Variants in ZNF503 observed in about 807,000 individuals in gnomAD.
The protein encoded by ZNF503 is NocA-like zinc finger 2.
ZNF503 carries 15 observed loss-of-function variants against 34.4 expected under a neutral mutation model. The observed-to-expected ratio is 0.44, with a 90% CI of 0.29 to 0.67. ZNF503 has a LOEUF of 0.67. Among genes scored for constraint, ZNF503 ranks in the 30% least tolerant of loss-of-function variants. ZNF503 has a pLI of 0.13. For missense variants in ZNF503, 1,007 were observed against 926.8 expected, an observed-to-expected ratio of 1.09 and a Z score of -1.12; for synonymous variants, 580 against 456.8, an observed-to-expected ratio of 1.27 and a Z score of -3.44.
rs1219289011 is a variant in ZNF503 at position 75,401,194 on chromosome 10, C to G, written c.226G>C (p.Val76Leu). The change falls in exon 1 of 2, where the codon GTG becomes CTG. Residue 76 changes from valine to leucine, a missense_variant. Val to Leu is a conservative substitution (Grantham distance 32, BLOSUM62 1). Transcript: ENST00000372524. ...LRQANRLPIK[V>L]LKMLTARTGH... ...GTTCGTGCCGTCAGCATCTTCAGCA[C>G]CTTGATTGGCAGGCGGTTGGCCTGG... 1 of 1,609,274 alleles carries G rather than the reference C, an allele frequency of 6.2e-7. No individual in the cohort carries two copies. The highest frequency in any genetic ancestry group is 1.1e-5 in the South Asian group (1 of 90,448).
chr10:75,390,353 C>G, the ZNF503 span, among the ~76,000 whole-genome samples: 5 of 151,366 alleles, frequency 3.3e-5, no homozygotes, highest in African/African-American at 1.2e-4. Context: ...CCTCCTCCTT[C>G]ACTTCCTTGT....
the ZNF503 span, among the ~76,000 whole-genome samples, chr10:75,298,190 T>C: frequency 6.6e-6 from 1 of 152,230 alleles, no homozygotes; most frequent in Non-Finnish European, 1.5e-5. Flanking sequence ...TTAAAAATAA[T>C]TTTACTAAGA....
At chr10:75,351,952 C>A in the ZNF503 span, among the ~76,000 whole-genome samples, 1 of 152,166 alleles carries the variant, frequency 6.6e-6, no homozygotes, top group African/African-American at 2.4e-5. Context: ...GGTTGAATAA[C>A]AGAACAGGTC....
At chr10:75,293,118 C>A in the ZNF503 span, among the ~76,000 whole-genome samples, 1 of 152,302 alleles carries the variant, frequency 6.6e-6, no homozygotes, top group South Asian at 2.1e-4. Context: ...TCTTCTTCCC[C>A]TTTAGCTGGC....
chr10:75,378,997 C>A, the ZNF503 span, among the ~76,000 whole-genome samples: 2 of 152,122 alleles, frequency 1.3e-5, no homozygotes, highest in African/African-American at 2.4e-5. Flanking sequence ...ACCCCCCAAA[C>A]CCCAGTCCCG....
the ZNF503 span, among the ~76,000 whole-genome samples, chr10:75,295,342 T>C: frequency 5.3e-5 from 8 of 151,762 alleles, no homozygotes; most frequent in Non-Finnish European, 1.5e-5. The surrounding 1 kb of genome is among the most constrained non-coding windows in gnomAD (Gnocchi z 4.0). Flanking sequence ...CCCAAAGTTG[T>C]GCCGCAGACC....
chr10:75,295,042 A>G, the ZNF503 span, among the ~76,000 whole-genome samples: 10 of 152,084 alleles, frequency 6.6e-5, no homozygotes, highest in South Asian at 2.1e-3. The surrounding 1 kb of genome is among the most constrained non-coding windows in gnomAD (Gnocchi z 4.0). Flanking sequence ...GCAAATGCTC[A>G]GCTTCAGCCC....
chr10:75,359,902 G>A, the ZNF503 span, among the ~76,000 whole-genome samples: 1 of 152,040 alleles, frequency 6.6e-6, no homozygotes, highest in East Asian at 1.9e-4. Context: ...CACTTCATTT[G>A]CTCCCGAGGG....
the ZNF503 span, among the ~76,000 whole-genome samples, chr10:75,308,634 T>C: frequency 6.6e-6 from 1 of 152,186 alleles, no homozygotes; most frequent in Non-Finnish European, 1.5e-5. Context: ...AATATCAGCA[T>C]TAACAGGAGT....
chr10:75,280,141 A>G, the ZNF503 span: 1 of 152,210 alleles, frequency 6.6e-6, no homozygotes, highest in African/African-American at 2.4e-5. Context: ...CCAAAAGTAA[A>G]AAAAAAGAAA....
At chr10:75,341,210 A>G in the ZNF503 span, among the ~76,000 whole-genome samples, 1 of 152,230 alleles carries the variant, frequency 6.6e-6, no homozygotes, top group African/African-American at 2.4e-5. Context: ...TACTTTCAGA[A>G]ACTCTTTTAA....
At chr10:75,310,746 C>G in the ZNF503 span, among the ~76,000 whole-genome samples, 1 of 152,150 alleles carries the variant, frequency 6.6e-6, no homozygotes, top group East Asian at 1.9e-4. Context: ...ATGAGGAGCT[C>G]TCATCTTCAG....
chr10:75,368,931 T>C, the ZNF503 span, among the ~76,000 whole-genome samples: 1 of 152,220 alleles, frequency 6.6e-6, no homozygotes, highest in African/African-American at 2.4e-5. Flanking sequence ...AGGTTATAGT[T>C]TCAGTCAAAG....
At chr10:75,285,307 CTCCAGAGTCTA>C in the ZNF503 span, among the ~76,000 whole-genome samples, 2 of 152,208 alleles carry the variant, frequency 1.3e-5, no homozygotes, top group Non-Finnish European at 2.9e-5. Context: ...TACCATCTGG[CTCCAGAGTCTA>C]TCCTCTAAAC....
chr10:75,364,313 T>C, the ZNF503 span, among the ~76,000 whole-genome samples: 3 of 152,060 alleles, frequency 2.0e-5, no homozygotes, highest in Admixed American at 2.0e-4. Flanking sequence ...TACCCCACAC[T>C]CCCACCCAAA....
the ZNF503 span, among the ~76,000 whole-genome samples, chr10:75,357,276 G>C: frequency 6.6e-6 from 1 of 152,040 alleles, no homozygotes; most frequent in African/African-American, 2.4e-5. Flanking sequence ...CCAACACTTT[G>C]GGGGGCAGAG....
At chr10:75,348,605 G>A in the ZNF503 span, among the ~76,000 whole-genome samples, 2 of 143,706 alleles carry the variant, frequency 1.4e-5, no homozygotes, top group African/African-American at 5.2e-5. Context: ...TCTGCCTCCC[G>A]GGTTCACACC....
At chr10:75,299,592 C>T in the ZNF503 span, among the ~76,000 whole-genome samples, 5 of 152,230 alleles carry the variant, frequency 3.3e-5, no homozygotes, top group East Asian at 9.6e-4. Flanking sequence ...GGAAATTCAG[C>T]CAGATATCGG....
At chr10:75,342,281 G>A in the ZNF503 span, among the ~76,000 whole-genome samples, 3 of 152,112 alleles carry the variant, frequency 2.0e-5, no homozygotes, top group African/African-American at 4.8e-5. Flanking sequence ...CACACACGAG[G>A]GTGGGTTTCA....
Sources: gnomAD v4.1 joint callset for allele counts (sites outside exome capture counted in the v4.1 genomes callset) on GRCh38, gnomAD v4.1.1 for gene constraint, Gnocchi (gnomAD v3.1) non-coding constraint, MANE v1.5 for transcripts, NCBI Gene and HGNC (gene_info 2026-07-23, HGNC 2026-07-21) for gene names.